PDGFA: variants seen among roughly 807,000 people sequenced by gnomAD.
The protein encoded by PDGFA is platelet-derived growth factor subunit A.
Under a neutral mutation model 25.6 loss-of-function variants are expected in PDGFA, and 9 were observed. The ratio of observed to expected loss-of-function variants is 0.35; its 90% confidence interval spans 0.21 to 0.61. The LOEUF (loss-of-function observed/expected upper bound fraction) is 0.61, where lower values mean the gene tolerates loss of function less well. Among genes scored for constraint, PDGFA ranks in the 20% least tolerant of loss-of-function variants. The pLI, the probability that PDGFA is intolerant of heterozygous loss-of-function variation, is 0.75. For synonymous variants in PDGFA, 133 were observed against 111.8 expected (o/e 1.19, Z -1.20); for missense variants, 242 against 272.8 (o/e 0.89, Z 0.79).
At chr7:515,625 C>G (rs2128405278) in intron 2 of PDGFA, among the ~76,000 whole-genome samples, 1 of 152,254 alleles carries the variant, frequency 6.6e-6, no homozygotes, top group Non-Finnish European at 1.5e-5. Flanking sequence ...TAGGAGAATC[C>G]TATTCAGACC....
intron 4 of PDGFA, among the ~76,000 whole-genome samples, chr7:504,158 C>T (rs1221600609): frequency 6.6e-6 from 1 of 152,188 alleles, no homozygotes; most frequent in African/African-American, 2.4e-5. Context: ...GAGTGGGCTG[C>T]CACTGGCGTG....
upstream of PDGFA, chr7:519,987 C>G (rs1783304202): frequency 2.9e-6 from 1 of 348,092 alleles, no homozygotes; most frequent in South Asian, 1.9e-5. Flanking sequence ...TTCGTGCGGA[C>G]CCGGCAGGGC....
At chr7:510,064 C>T (rs560530918) in intron 4 of PDGFA, among the ~76,000 whole-genome samples, 1 of 152,158 alleles carries the variant, frequency 6.6e-6, no homozygotes, top group Non-Finnish European at 1.5e-5. Flanking sequence ...TGCCATGCAC[C>T]TCGGCCCCCA....
At chr7:497,668 T>C (rs903381907) in exon 6 of PDGFA, 1 of 152,080 alleles carries the variant, frequency 6.6e-6, no homozygotes, top group African/African-American at 2.4e-5. Flanking sequence ...TCTTTCAAAA[T>C]GGCTTAAATT....
exon 3 of PDGFA, chr7:512,435 T>C (rs755794544): frequency 6.2e-7 from 1 of 1,613,634 alleles, no homozygotes; most frequent in South Asian, 1.1e-5. Context: ...CTCAGGCTGG[T>C]GTCCAAAGAA....
chr7:500,772 G>T lies in PDGFA; in HGVS notation c.580+344C>A. 1 of 1,438,684 alleles carries T rather than the reference G, an allele frequency of 7.0e-7. No homozygotes were observed. The highest frequency in any genetic ancestry group is 9.1e-7 in the Non-Finnish European group (1 of 1,098,060). 89.1% of individuals were successfully genotyped at this position (1,438,684 alleles called of 1,614,324 possible). A position where few individuals can be genotyped will look rare whatever the true frequency, so the allele number is the denominator to read the frequency against. On this transcript the variant is annotated intron_variant, in intron 5 of 5. Coordinates refer to ENST00000402802, the Ensembl canonical transcript of PDGFA. This position sits in a 1 kb window ranked among gnomAD's most constrained non-coding sequence, Gnocchi z 5.0. ...TGCAGTCCTCGAACCTGCTCCTCCC[G>T]CCCACCCTGGCAGGAGGCCCTTCTG...
At chr7:515,697 A>G (rs1783055904) in intron 2 of PDGFA, among the ~76,000 whole-genome samples, 4 of 152,144 alleles carry the variant, frequency 2.6e-5, no homozygotes, top group Admixed American at 1.3e-4. Context: ...GGGCAGGAGG[A>G]GAGAGCTCCT....
chr7:498,723 A>T (rs1782201350), intron 5 of PDGFA, 149 bp from the exon 6 acceptor site: 2 of 776,048 alleles, frequency 2.6e-6, no homozygotes, highest in Non-Finnish European at 2.2e-6. Flanking sequence ...AAATTTCCAG[A>T]ATCACATTTG....
intron 4 of PDGFA, among the ~76,000 whole-genome samples, chr7:502,138 C>T (rs994304475): frequency 1.3e-5 from 2 of 152,090 alleles, no homozygotes; most frequent in Admixed American, 6.5e-5. Context: ...AGGAGGATCG[C>T]TTGAGCCCAG....
intron 4 of PDGFA, among the ~76,000 whole-genome samples, chr7:502,732 G>A (rs1038573344): frequency 2.6e-5 from 4 of 151,642 alleles, no homozygotes; most frequent in Non-Finnish European, 5.9e-5. Flanking sequence ...AGGCCAGAGA[G>A]GGGAGCTTCA....
At chr7:514,292 C>A (rs1256760884) in intron 2 of PDGFA, among the ~76,000 whole-genome samples, 1 of 152,188 alleles carries the variant, frequency 6.6e-6, no homozygotes, top group Non-Finnish European at 1.5e-5. Flanking sequence ...AGTCCCCGTG[C>A]CCCGCCACCC....
intron 4 of PDGFA, among the ~76,000 whole-genome samples, chr7:504,016 T>G (rs1484907941): frequency 2.2e-4 from 34 of 152,036 alleles, no homozygotes; most frequent in Admixed American, 2.2e-3. Context: ...GAGAGAGGCC[T>G]CCGCAGGCCG....
intron 2 of PDGFA, 55 bp from the exon 3 acceptor site, chr7:512,510 G>A (rs746428953): frequency 7.4e-6 from 12 of 1,610,764 alleles, no homozygotes; most frequent in Non-Finnish European, 1.0e-5. Context: ...CTGTGCCCTG[G>A]GCCTGTCCAG....
chr7:512,620 C>A, intron 2 of PDGFA, 165 bp from the exon 3 acceptor site: 1 of 1,536,446 alleles, frequency 6.5e-7, no homozygotes, highest in Non-Finnish European at 8.7e-7. Context: ...CCAGGAGAAC[C>A]TCGATTCCCA....
rs1357109610 is a variant in PDGFA at position 500,953 on chromosome 7, C to T, written c.580+163G>A. 4 of 1,595,456 alleles carry T rather than the reference C, an allele frequency of 2.5e-6. No individual in the cohort carries two copies. The highest frequency in any genetic ancestry group is 3.4e-6 in the Non-Finnish European group (4 of 1,177,890). ...CACCTGCAGGTGTGGGATCCGTCTC[C>T]CCCGCAGGCATCTGGCCCGGGAGCA... On this transcript the variant is annotated intron_variant, in intron 5 of 5. Transcript: ENST00000402802. The surrounding 1 kb of genome is among the most constrained non-coding windows in gnomAD (Gnocchi z 5.0).
intron 2 of PDGFA, chr7:512,744 G>C (rs1431551098): frequency 8.7e-7 from 1 of 1,147,030 alleles, no homozygotes; most frequent in Non-Finnish European, 1.1e-6. Context: ...GCCCTTCGGG[G>C]AAGAGGTTGC....
At position 517,534 on chromosome 7, in the gene PDGFA, C is replaced by A; in HGVS notation, c.64-44G>T. The stretch of plus-strand genomic sequence containing the variant: ...CGGTCAGCGCCCGCGGCCCCGACCC[C>A]GCCGGCACGCGCCCCCGGCCGCCAG... On this transcript the variant is annotated intron_variant, in intron 1 of 5. Transcript: ENST00000402802. The surrounding 1 kb of genome is among the most constrained non-coding windows in gnomAD (Gnocchi z 7.4). The A allele has an allele frequency of 3.3e-6, 3 of 911,046 alleles. No homozygotes were observed. Among genetic ancestry groups the A allele is most frequent in the Non-Finnish European group, 4.2e-6 (3 of 721,124 alleles). 56.4% of individuals were successfully genotyped at this position (911,046 alleles called of 1,614,324 possible).
chr7:505,317 C>T (rs1782513692), intron 4 of PDGFA, among the ~76,000 whole-genome samples: 2 of 152,184 alleles, frequency 1.3e-5, no homozygotes, highest in Admixed American at 1.3e-4. Context: ...CACCTTATCA[C>T]ACCAGACATT....
At chr7:504,982 C>A (rs1782498253) in intron 4 of PDGFA, among the ~76,000 whole-genome samples, 1 of 152,252 alleles carries the variant, frequency 6.6e-6, no homozygotes, top group South Asian at 2.1e-4. Context: ...TGGGAACCCA[C>A]TGCCTCCTCA....
Sources: allele counts gnomAD v4.1 joint callset (sites outside exome capture counted in the v4.1 genomes callset), GRCh38; gene constraint gnomAD v4.1.1; non-coding constraint Gnocchi (gnomAD v3.1); transcripts MANE v1.5; gene names NCBI Gene and HGNC (gene_info 2026-07-23, HGNC 2026-07-21).